Variants in CYP2C19 observed in about 807,000 individuals in gnomAD.
CYP2C19 encodes cytochrome P450 2C19.
A neutral mutation model predicts 40.9 loss-of-function variants in CYP2C19; 59 were observed. The observed-to-expected ratio is 1.44, with a 90% confidence interval of 1.17 to 1.79. The LOEUF is 1.79. Among genes scored for constraint, CYP2C19 ranks in the 40% most tolerant of loss-of-function variants. The probability of loss-of-function intolerance (pLI) is 0.00; values close to 1 mark genes in which losing one functional copy is unlikely to be tolerated. For synonymous variants in CYP2C19, 253 were observed against 208.7 expected, an observed-to-expected ratio of 1.21 and a Z score of -1.83; for missense variants, 754 against 596.9, an observed-to-expected ratio of 1.26 and a Z score of -2.74.
intron 5 of CYP2C19, among the ~76,000 whole-genome samples, chr10:94,808,057 T>C (rs1331852862): frequency 6.6e-6 from 1 of 152,108 alleles, no homozygotes; most frequent in African/African-American, 2.4e-5. Context: ...TAATGAGAGA[T>C]AAAAATCTTG....
chr10:94,850,855 T>G (rs1022842339), intron 8 of CYP2C19, among the ~76,000 whole-genome samples: 5 of 152,222 alleles, frequency 3.3e-5, no homozygotes, highest in Middle Eastern at 3.4e-3. Context: ...TCTGCAGTGA[T>G]GCAGAGCACC....
intron 5 of CYP2C19, among the ~76,000 whole-genome samples, chr10:94,816,157 TA>T (rs1554852385): frequency 6.6e-6 from 1 of 152,098 alleles, no homozygotes; most frequent in Non-Finnish European, 1.5e-5. Flanking sequence ...ATGGAATTTT[TA>T]AGCAAGCATG....
At chr10:94,850,286 G>A (rs184888234) in intron 8 of CYP2C19, among the ~76,000 whole-genome samples, 4 of 152,240 alleles carry the variant, frequency 2.6e-5, no homozygotes, top group East Asian at 1.9e-4. Flanking sequence ...GAAAGCTGAA[G>A]TATAGGTTGG....
chr10:94,802,000 C>A (rs548558690), intron 5 of CYP2C19, among the ~76,000 whole-genome samples: 1 of 152,226 alleles, frequency 6.6e-6, no homozygotes, highest in South Asian at 2.1e-4. Flanking sequence ...TGGAAGGAGA[C>A]CTTAGAGGGT....
intron 5 of CYP2C19, among the ~76,000 whole-genome samples, chr10:94,782,414 C>T (rs1287249921): frequency 3.3e-5 from 5 of 151,922 alleles, no homozygotes; most frequent in Non-Finnish European, 7.4e-5. Context: ...AATGAGATAC[C>T]ATCTCATGCC....
intron 1 of CYP2C19, among the ~76,000 whole-genome samples, chr10:94,765,249 C>T (rs1411905614): frequency 1.3e-5 from 2 of 152,122 alleles, no homozygotes; most frequent in Non-Finnish European, 2.9e-5. Context: ...TATGGCTTTG[C>T]ACTGATGGAG....
intron 4 of CYP2C19, 152 bp from the exon 5 acceptor site, chr10:94,781,669 A>G (rs368040759): frequency 4.3e-5 from 14 of 327,034 alleles, no homozygotes; most frequent in African/African-American, 2.1e-4. Context: ...TAATCAGAGA[A>G]TTACTACACA....
At chr10:94,764,121 G>A (rs983048259) in intron 1 of CYP2C19, among the ~76,000 whole-genome samples, 3 of 152,126 alleles carry the variant, frequency 2.0e-5, no homozygotes, top group African/African-American at 7.2e-5. Flanking sequence ...TGGACCCAAA[G>A]AGTGAGCAGC....
intron 6 of CYP2C19, among the ~76,000 whole-genome samples, chr10:94,823,897 G>T (rs1849169241): frequency 1.3e-5 from 2 of 152,130 alleles, no homozygotes; most frequent in Admixed American, 1.3e-4. Context: ...TGTCAGGGAG[G>T]CTGCCTTGCA....
At chr10:94,828,311 G>T (rs904809543) in intron 6 of CYP2C19, among the ~76,000 whole-genome samples, 98 of 151,618 alleles carry the variant, frequency 6.5e-4, no homozygotes, top group Non-Finnish European at 1.3e-3. Flanking sequence ...TCTCTTTGTA[G>T]GTCACTCAGG....
chr10:94,829,913 C>T (rs902581299), intron 6 of CYP2C19, among the ~76,000 whole-genome samples: 6 of 152,092 alleles, frequency 3.9e-5, no homozygotes, highest in South Asian at 4.1e-4. Context: ...AATAACCTGC[C>T]GTGTGAGGTG....
intron 5 of CYP2C19, among the ~76,000 whole-genome samples, chr10:94,782,532 C>T (rs916206731): frequency 2.0e-5 from 3 of 152,140 alleles, no homozygotes; most frequent in Non-Finnish European, 4.4e-5. Context: ...TTAGTTCAAT[C>T]ATTGTGGAAG....
chr10:94,832,895 A>T (rs972071961), intron 6 of CYP2C19, among the ~76,000 whole-genome samples: 23 of 152,288 alleles, frequency 1.5e-4, no homozygotes, highest in Admixed American at 1.5e-3. Context: ...ATCCATGAAC[A>T]TGAAATATTT....
intron 6 of CYP2C19, among the ~76,000 whole-genome samples, chr10:94,834,511 T>G (rs953600815): frequency 3.3e-5 from 5 of 152,052 alleles, no homozygotes; most frequent in Non-Finnish European, 7.4e-5. Context: ...GCTCTGATCT[T>G]TATTATTTCT....
At chr10:94,807,368 A>G (rs1044228184) in intron 5 of CYP2C19, among the ~76,000 whole-genome samples, 2 of 152,130 alleles carry the variant, frequency 1.3e-5, no homozygotes, top group Non-Finnish European at 2.9e-5. Flanking sequence ...AAGTATAACT[A>G]TCTCCTTGAT....
intron 5 of CYP2C19, among the ~76,000 whole-genome samples, chr10:94,804,780 T>C (rs1848811203): frequency 6.6e-6 from 1 of 152,244 alleles, no homozygotes; most frequent in African/African-American, 2.4e-5. Context: ...TTTTTCTTCT[T>C]GAATTTAAGC....
intron 6 of CYP2C19, among the ~76,000 whole-genome samples, chr10:94,833,716 T>A (rs1466359914): frequency 2.0e-5 from 3 of 152,260 alleles, no homozygotes; most frequent in African/African-American, 7.2e-5. Context: ...TGAAGGGATG[T>A]TGAATTTTAT....
chr10:94,778,240 C>T (rs913414908), intron 3 of CYP2C19, among the ~76,000 whole-genome samples: 16 of 152,174 alleles, frequency 1.1e-4, no homozygotes, highest in African/African-American at 2.7e-4. Context: ...TCCTGGTCAA[C>T]ATAAGTAAAC....
Position 94,775,148 on chromosome 10 carries a change from C to G in CYP2C19, c.259C>G (p.Leu87Val), listed in dbSNP as rs750025111. 1.2e-6 allele frequency: 2 copies of G among 1,614,100 alleles called. No homozygotes were observed. The highest frequency in any genetic ancestry group is 2.2e-5 in the South Asian group (2 of 91,076). The change falls in exon 2 of 9, where the codon CTG becomes GTG. Residue 87 changes from leucine to valine, a missense_variant. By Grantham distance (32) the Leu-to-Val change is conservative. Coordinates refer to ENST00000371321, the MANE Select transcript of CYP2C19 (RefSeq NM_000769.4). Reference protein sequence around the residue: ...LHGYEVVKEALIDLGEEFSGR... With the variant: ...LHGYEVVKEAVIDLGEEFSGR... ...TGGATATGAAGTGGTGAAGGAAGCC[C>G]TGATTGATCTTGGAGAGGAGTTTTC...
Sources: allele counts gnomAD v4.1 joint callset (sites outside exome capture counted in the v4.1 genomes callset), GRCh38; gene constraint gnomAD v4.1.1; transcripts MANE v1.5; gene names NCBI Gene and HGNC (gene_info 2026-07-23, HGNC 2026-07-21).